Variants in CNTN6 observed in about 807,000 individuals in gnomAD.
The protein encoded by CNTN6 is contactin 6.
A neutral mutation model predicts 122.8 loss-of-function variants in CNTN6; 137 were observed. The ratio of observed to expected loss-of-function variants is 1.12; its 90% confidence interval spans 0.97 to 1.29. The LOEUF (loss-of-function observed/expected upper bound fraction) is 1.29, where lower values mean the gene tolerates loss of function less well. Ranked by LOEUF, CNTN6 falls within the 50% of genes most tolerant of loss-of-function variation. CNTN6 has a pLI of 0.00. For synonymous variants in CNTN6, 570 were observed against 426.0 expected (o/e 1.34, Z -4.16); for missense variants, 1,634 against 1,223.4 (o/e 1.34, Z -5.01).
intron 4 of CNTN6, among the ~76,000 whole-genome samples, chr3:1,275,833 T>C (rs918223205): frequency 3.3e-5 from 5 of 152,148 alleles, no homozygotes; most frequent in African/African-American, 1.2e-4. Flanking sequence ...GTAATGTGAT[T>C]GACAGGGAGT....
intron 4 of CNTN6, among the ~76,000 whole-genome samples, chr3:1,268,019 A>G (rs60128724): frequency 6.6e-6 from 1 of 152,188 alleles, no homozygotes; most frequent in African/African-American, 2.4e-5. Flanking sequence ...TTTATATCAC[A>G]TATTAATCCC....
chr3:1,387,709 C>G (rs953367141), intron 20 of CNTN6, among the ~76,000 whole-genome samples: 2 of 152,250 alleles, frequency 1.3e-5, no homozygotes, highest in East Asian at 1.9e-4. Flanking sequence ...GTGAGCGCAC[C>G]GTGCGCAAGC....
intron 2 of CNTN6, among the ~76,000 whole-genome samples, chr3:1,202,300 G>A (rs2093885851): frequency 6.6e-6 from 1 of 152,218 alleles, no homozygotes; most frequent in Admixed American, 6.5e-5. Flanking sequence ...CAGCACTTCG[G>A]AAGGCCGAGG....
chr3:1,252,722 T>TA (rs1267551528), intron 4 of CNTN6, among the ~76,000 whole-genome samples: 1 of 152,136 alleles, frequency 6.6e-6, no homozygotes, highest in Non-Finnish European at 1.5e-5. Flanking sequence ...TGCAGAGAAA[T>TA]AAGCTTTTGT....
intron 2 of CNTN6, among the ~76,000 whole-genome samples, chr3:1,167,226 C>G (rs2125275780): frequency 6.6e-6 from 1 of 152,250 alleles, no homozygotes; most frequent in African/African-American, 2.4e-5. Flanking sequence ...GGGCAAGCTA[C>G]TGAACCCCTC....
At chr3:1,206,298 G>GA (rs538907991) in intron 2 of CNTN6, among the ~76,000 whole-genome samples, 28 of 152,082 alleles carry the variant, frequency 1.8e-4, no homozygotes, top group African/African-American at 6.0e-4. Flanking sequence ...GGAAATAAGA[G>GA]AAAAAAACAG....
intron 2 of CNTN6, among the ~76,000 whole-genome samples, chr3:1,163,796 C>T (rs1469614271): frequency 2.0e-5 from 3 of 152,182 alleles, no homozygotes; most frequent in Non-Finnish European, 4.4e-5. Flanking sequence ...TCCAAACAAA[C>T]TATTAATCTG....
At chr3:1,293,856 A>G (rs1359785995) in intron 5 of CNTN6, among the ~76,000 whole-genome samples, 1 of 152,192 alleles carries the variant, frequency 6.6e-6, no homozygotes, top group Non-Finnish European at 1.5e-5. Flanking sequence ...CAGTACACCT[A>G]ATGTCTTAGC....
intron 2 of CNTN6, among the ~76,000 whole-genome samples, chr3:1,168,114 G>A (rs2093292315): frequency 6.6e-6 from 1 of 151,734 alleles, no homozygotes; most frequent in Admixed American, 6.6e-5. Context: ...CCCCATGTTG[G>A]CCAGGTTGGT....
intron 1 of CNTN6, among the ~76,000 whole-genome samples, chr3:1,139,612 G>T (rs1056768222): frequency 1.3e-5 from 2 of 152,092 alleles, no homozygotes; most frequent in African/African-American, 4.8e-5. Context: ...GAATTAAATT[G>T]AAAGGAGTTT....
At chr3:1,103,653 G>T (rs2091067652) in intron 1 of CNTN6, among the ~76,000 whole-genome samples, 2 of 152,152 alleles carry the variant, frequency 1.3e-5, no homozygotes, top group African/African-American at 4.8e-5. Context: ...TTCAACATAG[G>T]AAGCCAAACA....
At chr3:1,320,726 T>C (rs956880008) in intron 7 of CNTN6, among the ~76,000 whole-genome samples, 5 of 151,874 alleles carry the variant, frequency 3.3e-5, no homozygotes, top group African/African-American at 9.6e-5. Flanking sequence ...ATTCATTAGT[T>C]TAGTAGTGAA....
intron 2 of CNTN6, among the ~76,000 whole-genome samples, chr3:1,213,802 T>C (rs1374926874): frequency 4.2e-5 from 6 of 142,852 alleles, no homozygotes; most frequent in Non-Finnish European, 9.1e-5. Context: ...AATTTGAACT[T>C]CTAATAAATG....
intron 7 of CNTN6, 60 bp from the exon 8 acceptor site, chr3:1,321,585 CTTCTT>C: frequency 1.5e-6 from 2 of 1,376,124 alleles, no homozygotes. Context: ...TATGGATGCT[CTTCTT>C]TTATTTTGCT....
chr3:1,281,621 T>C (rs1476164835), intron 5 of CNTN6, among the ~76,000 whole-genome samples: 1 of 152,062 alleles, frequency 6.6e-6, no homozygotes, highest in Admixed American at 6.5e-5. Flanking sequence ...CGTGCCACCA[T>C]GAACACCTAA....
chr3:1,163,066 G>C (rs1422824296), intron 2 of CNTN6, among the ~76,000 whole-genome samples: 1 of 152,184 alleles, frequency 6.6e-6, no homozygotes, highest in Non-Finnish European at 1.5e-5. Context: ...ATCCTTTCCA[G>C]TTCTGATTAC....
chr3:1,200,663 CA>C (rs2093850392), intron 2 of CNTN6, among the ~76,000 whole-genome samples: 1 of 152,092 alleles, frequency 6.6e-6, no homozygotes, highest in Non-Finnish European at 1.5e-5. Flanking sequence ...AGAATTTGGA[CA>C]TGTTTTCCAA....
chr3:1,301,499 C>T (rs1697407635), intron 7 of CNTN6, among the ~76,000 whole-genome samples: 1 of 152,086 alleles, frequency 6.6e-6, no homozygotes, highest in African/African-American at 2.4e-5. Flanking sequence ...CAGGAAATAA[C>T]CGTTGAACAT....
chr3:1,135,545 A>G (rs1329744748), intron 1 of CNTN6, among the ~76,000 whole-genome samples: 1 of 152,216 alleles, frequency 6.6e-6, no homozygotes, highest in Non-Finnish European at 1.5e-5. Flanking sequence ...GAGAGAGCTC[A>G]GAACTGCAGG....
Sources: allele counts gnomAD v4.1 joint callset (sites outside exome capture counted in the v4.1 genomes callset), GRCh38; gene constraint gnomAD v4.1.1; transcripts MANE v1.5; gene names NCBI Gene and HGNC (gene_info 2026-07-23, HGNC 2026-07-21).